FREM1: variants seen among roughly 807,000 people sequenced by gnomAD.
The protein encoded by FREM1 is FRAS1 related extracellular matrix 1, also known as FRAS1-related extracellular matrix protein 1.
Under a neutral mutation model 210.1 loss-of-function variants are expected in FREM1, and 220 were observed. That is an observed-to-expected ratio of 1.05 (90% CI 0.94 to 1.17). The LOEUF (loss-of-function observed/expected upper bound fraction) is 1.17, where lower values mean the gene tolerates loss of function less well. Among genes scored for constraint, FREM1 ranks in the 50% most tolerant of loss-of-function variants. The probability of loss-of-function intolerance (pLI) is 0.00; values close to 1 mark genes in which losing one functional copy is unlikely to be tolerated. For missense variants in FREM1, 3,454 were observed against 2,675.5 expected (o/e 1.29, Z -6.42); for synonymous variants, 1,189 against 980.2 (o/e 1.21, Z -3.98).
At chr9:14,803,306 CTTT>C (rs1482353689) in intron 19 of FREM1, among the ~76,000 whole-genome samples, 1 of 91,188 alleles carries the variant, frequency 1.1e-5, no homozygotes, top group East Asian at 2.9e-4. Context: ...CCCTTTCTCT[CTTT>C]TTCTTTTCCC....
At position 14,836,375 on chromosome 9, in the gene FREM1, C is replaced by G. The variant is rs1010994478; in HGVS notation, c.1881+5072G>C. ...CGTAAAAGTTTTACTATCACTAAGTCTGCTAGGATTTTTTATTGGATTTAG... is the reference window on the plus strand; with the variant it reads ...CGTAAAAGTTTTACTATCACTAAGTGTGCTAGGATTTTTTATTGGATTTAG... On this transcript the variant is annotated intron_variant, in intron 10 of 36. Coordinates refer to ENST00000380880, the MANE Select transcript of FREM1 (RefSeq NM_001379081.2). This position sits in a 1 kb window ranked among gnomAD's most constrained non-coding sequence, Gnocchi z 4.9. 6.6e-6 allele frequency among the ~76,000 whole-genome samples: 1 copy of G among 152,180 alleles called. No homozygotes were observed. The highest frequency in any genetic ancestry group is 2.4e-5 in the African/African-American group (1 of 41,434).
intron 10 of FREM1, among the ~76,000 whole-genome samples, chr9:14,840,802 C>T (rs999545869): frequency 2.0e-5 from 3 of 152,152 alleles, no homozygotes; most frequent in African/African-American, 7.2e-5. Flanking sequence ...CAGACACTAC[C>T]CTGACTCCAC....
Position 14,756,421 on chromosome 9 carries a change from C to T in FREM1, c.5360G>A (p.Gly1787Glu). The T allele has an allele frequency of 1.2e-6, 2 of 1,600,684 alleles. No homozygotes were observed. Among genetic ancestry groups the T allele is most frequent in the East Asian group, 2.3e-5 (1 of 44,416 alleles). ...IKVNQVSAAV[G>E]KDFTVIPSKL... ...AGATGGAATCACGGTGAAATCTTTT[C>T]CAACTGCAGCTGACACTTGGTTGAC... Residue 1787 changes from glycine (G) to glutamate (E), a missense_variant, in exon 29 of 37, where the codon GGA (glycine) becomes GAA (glutamate). Transcript: ENST00000380880.
At chr9:14,861,302 CACATATATACAT>C (rs1564108267) in intron 3 of FREM1, among the ~76,000 whole-genome samples, 1 of 109,814 alleles carries the variant, frequency 9.1e-6, no homozygotes, top group South Asian at 2.5e-4. Flanking sequence ...TACATATATA[CACATATATACAT>C]ATATACACAT....
At chr9:14,844,275 G>A (rs7032138) in intron 8 of FREM1, among the ~76,000 whole-genome samples, 12,341 of 150,882 alleles carry the variant, frequency 0.082, 616 homozygotes, top group African/African-American at 0.14. Context: ...GCCCAGGCTG[G>A]AGTGCAGTGG....
At chr9:14,875,519 G>A (rs1292008866) in intron 1 of FREM1, among the ~76,000 whole-genome samples, 1 of 152,180 alleles carries the variant, frequency 6.6e-6, no homozygotes, top group East Asian at 1.9e-4. Flanking sequence ...TTGGCTTTCA[G>A]CTCCATCAGT....
intron 10 of FREM1, among the ~76,000 whole-genome samples, chr9:14,840,216 T>C (rs1217086753): frequency 6.6e-6 from 1 of 152,226 alleles, no homozygotes; most frequent in Non-Finnish European, 1.5e-5. Flanking sequence ...ACCCTTGCTT[T>C]AAGCAGTCAT....
At chr9:14,815,358 A>G (rs1008778910) in intron 15 of FREM1, among the ~76,000 whole-genome samples, 1 of 152,240 alleles carries the variant, frequency 6.6e-6, no homozygotes, top group African/African-American at 2.4e-5. Context: ...GCTTCTTAAA[A>G]TTATAGATGT....
At position 14,812,961 on chromosome 9, in the gene FREM1, A is replaced by C. The variant is rs1357211488; in HGVS notation, c.2744T>G (p.Phe915Cys). ...GEVVITSEYI[F>C]ATDVDSDNLK... ...GTTATCGCTGTCCACATCAGTAGCAAAAATGTATTCAGAGGTGATGACCAC... is the reference window on the plus strand; with the variant it reads ...GTTATCGCTGTCCACATCAGTAGCACAAATGTATTCAGAGGTGATGACCAC... The change falls in exon 16 of 37, where the codon TTT becomes TGT. Residue 915 changes from phenylalanine to cysteine, a missense_variant. Physicochemically the swap from Phe to Cys is radical, Grantham distance 205. Transcript: ENST00000380880. 1.9e-5 allele frequency: 31 copies of C among 1,613,860 alleles called. No individual in the cohort carries two copies. The Admixed American group carries it at 5.2e-4, about 27-fold the overall frequency.
rs1018282374 is a variant in FREM1 at position 14,836,193 on chromosome 9, C to A, written c.1881+5254G>T. ...GATGGAAATTATCTACCACACCACACTTGTGGGAATTGCTGTCCTCACTCT... is the reference window on the plus strand; with the variant it reads ...GATGGAAATTATCTACCACACCACAATTGTGGGAATTGCTGTCCTCACTCT... On this transcript the variant is annotated intron_variant, in intron 10 of 36. Coordinates refer to ENST00000380880, the MANE Select transcript of FREM1 (RefSeq NM_001379081.2). This position sits in a 1 kb window ranked among gnomAD's most constrained non-coding sequence, Gnocchi z 4.9. 6.6e-6 allele frequency among the ~76,000 whole-genome samples: 1 copy of A among 152,236 alleles called. No homozygotes were observed. The highest frequency in any genetic ancestry group is 1.5e-5 in the Non-Finnish European group (1 of 68,050).
chr9:14,885,749 C>T (rs1004042482), intron 1 of FREM1, among the ~76,000 whole-genome samples: 1 of 152,146 alleles, frequency 6.6e-6, no homozygotes, highest in Non-Finnish European at 1.5e-5. Context: ...GCAATATATA[C>T]ATACACTGTT....
At chr9:14,796,162 G>A (rs1272277967) in intron 21 of FREM1, among the ~76,000 whole-genome samples, 3 of 152,068 alleles carry the variant, frequency 2.0e-5, no homozygotes, top group African/African-American at 7.2e-5. Context: ...GCAGGATATG[G>A]GGCAGATAAG....
chr9:14,861,110 CAT>C (rs375611094), intron 3 of FREM1, among the ~76,000 whole-genome samples: 1,062 of 79,558 alleles, frequency 0.013, 59 homozygotes, highest in African/African-American at 0.055. Flanking sequence ...CATATATACA[CAT>C]ATATATACAT....
chr9:14,812,426 A>G (rs1819565702), intron 16 of FREM1, among the ~76,000 whole-genome samples: 1 of 152,172 alleles, frequency 6.6e-6, no homozygotes, highest in Non-Finnish European at 1.5e-5. Flanking sequence ...GGTGATCAGT[A>G]AGCTTTGCAA....
Position 14,857,726 on chromosome 9 carries a change from G to T in FREM1, c.655C>A (p.Pro219Thr). 1.9e-6 allele frequency: 3 copies of T among 1,608,098 alleles called. No individual in the cohort carries two copies. Among genetic ancestry groups the T allele is most frequent in the Non-Finnish European group, 2.5e-6 (3 of 1,177,036 alleles). The change falls in exon 5 of 37, where the codon CCA becomes ACA. Residue 219 changes from proline (P) to threonine (T), a missense_variant. Pro to Thr is a conservative substitution (Grantham distance 38). Coordinates refer to ENST00000380880, the MANE Select transcript of FREM1 (RefSeq NM_001379081.2). The stretch of plus-strand genomic sequence containing the variant: ...AATCCTGGGGTACAGCTCCCACCTG[G>T]ACACTTCAGTTTTGCTCTCAGTTCT... ...ESQLRAKLKC[P>T]GGSCTPGLKK...
At chr9:14,894,880 T>C (rs997346009) in intron 1 of FREM1, among the ~76,000 whole-genome samples, 6 of 152,256 alleles carry the variant, frequency 3.9e-5, no homozygotes, top group African/African-American at 1.2e-4. Context: ...AGAAATTGGT[T>C]ATTTTACCAA....
intron 10 of FREM1, among the ~76,000 whole-genome samples, chr9:14,840,358 T>C (rs894197385): frequency 6.6e-6 from 1 of 152,184 alleles, no homozygotes; most frequent in African/African-American, 2.4e-5. Context: ...GATAAAGACA[T>C]ACCTGAGACT....
intron 25 of FREM1, among the ~76,000 whole-genome samples, chr9:14,772,719 T>C (rs1489872031): frequency 2.0e-5 from 3 of 152,170 alleles, no homozygotes; most frequent in East Asian, 3.9e-4. Flanking sequence ...TAAATTGTCA[T>C]TGTGGCCCGT....
chr9:14,798,436 C>T (rs961325179), intron 20 of FREM1, among the ~76,000 whole-genome samples: 1 of 151,872 alleles, frequency 6.6e-6, no homozygotes, highest in Admixed American at 6.6e-5. Flanking sequence ...CATAATGAGA[C>T]CTTGTCTTTA....
Sources: allele counts gnomAD v4.1 joint callset (sites outside exome capture counted in the v4.1 genomes callset), GRCh38; gene constraint gnomAD v4.1.1; non-coding constraint Gnocchi (gnomAD v3.1); transcripts MANE v1.5; gene names NCBI Gene and HGNC (gene_info 2026-07-23, HGNC 2026-07-21).